NRCAM: variants seen among roughly 807,000 people sequenced by gnomAD.
The protein encoded by NRCAM is neuronal cell adhesion molecule.
NRCAM carries 83 observed loss-of-function variants against 156.5 expected under a neutral mutation model. The observed-to-expected ratio is 0.53, with a 90% CI of 0.44 to 0.64. NRCAM has a LOEUF of 0.64. Among genes scored for constraint, NRCAM ranks in the 30% least tolerant of loss-of-function variants. The pLI is 0.00. For synonymous variants in NRCAM, 538 were observed against 563.9 expected (o/e 0.95, Z 0.65); for missense variants, 1,417 against 1,597.3 (o/e 0.89, Z 1.92).
At chr7:108,344,908 C>T (rs2099337021) in intron 2 of NRCAM, among the ~76,000 whole-genome samples, 1 of 152,078 alleles carries the variant, frequency 6.6e-6, no homozygotes, top group African/African-American at 2.4e-5. Flanking sequence ...ATCATTCTTG[C>T]TGCCTTTCAT....
At chr7:108,391,445 C>T (rs986530211) in intron 2 of NRCAM, among the ~76,000 whole-genome samples, 1 of 151,980 alleles carries the variant, frequency 6.6e-6, no homozygotes, top group African/African-American at 2.4e-5. Context: ...TCCTCCATCC[C>T]TTTATTTTGA....
chr7:108,435,303 CAGA>C (rs1304808430), intron 1 of NRCAM, among the ~76,000 whole-genome samples: 3 of 151,960 alleles, frequency 2.0e-5, no homozygotes, highest in African/African-American at 7.3e-5. Flanking sequence ...TTTGAGAAGG[CAGA>C]AGAAGAAATT....
intron 1 of NRCAM, among the ~76,000 whole-genome samples, chr7:108,434,941 T>C (rs1053216698): frequency 6.6e-6 from 1 of 151,894 alleles, no homozygotes; most frequent in Non-Finnish European, 1.5e-5. Context: ...AAACCACAGT[T>C]ACCACTACAT....
chr7:108,247,575 T>C (rs896189474), intron 3 of NRCAM, among the ~76,000 whole-genome samples: 1 of 130,530 alleles, frequency 7.7e-6, no homozygotes, highest in Non-Finnish European at 1.6e-5. Context: ...AATTTGTTTA[T>C]GCTAAATTAT....
At chr7:108,305,779 T>C (rs2098706311) in intron 3 of NRCAM, among the ~76,000 whole-genome samples, 1 of 152,226 alleles carries the variant, frequency 6.6e-6, no homozygotes, top group Non-Finnish European at 1.5e-5. Flanking sequence ...TATACATGTA[T>C]ACTCCCTCTT....
intron 3 of NRCAM, among the ~76,000 whole-genome samples, chr7:108,307,118 T>C (rs2098727272): frequency 6.6e-6 from 1 of 152,182 alleles, no homozygotes; most frequent in Non-Finnish European, 1.5e-5. Context: ...AAAAGTCTGC[T>C]AGATCTGTAT....
rs1230043992 is a variant in NRCAM, at chr7:108,194,018, A to C, written c.1778+6T>G. On this transcript the variant is annotated splice_donor_region_variant and intron_variant, in intron 17 of 32. Coordinates refer to ENST00000379028, the MANE Select transcript of NRCAM (RefSeq NM_001037132.4). ...AAGAGAAAGTAAAGAAATCGTCTTC[A>C]AATACCTTTCATCACTGGGCAGTTC... The C allele has an allele frequency of 1.9e-6, 3 of 1,612,432 alleles. No homozygotes were observed. The highest frequency in any genetic ancestry group is 2.5e-6 in the Non-Finnish European group (3 of 1,179,184).
chr7:108,426,045 TAA>T (rs1669746633), intron 1 of NRCAM, among the ~76,000 whole-genome samples: 1 of 152,246 alleles, frequency 6.6e-6, no homozygotes. Flanking sequence ...TCATCATTTT[TAA>T]AAAGAGATTC....
chr7:108,198,070 C>G lies in NRCAM; in HGVS notation c.1237G>C (p.Asp413His), dbSNP rs1292534557. The G allele has an allele frequency of 6.2e-7, 1 of 1,606,876 alleles. No homozygotes were observed. Among genetic ancestry groups the G allele is most frequent in the African/African-American group, 1.3e-5 (1 of 74,700 alleles). Residue 413 changes from aspartate to histidine, a missense_variant, in exon 14 of 33, where the codon GAT becomes CAT. By Grantham distance (81) the Asp-to-His change is moderately conservative. This residue lies in a region of NRCAM where 1,238 missense variants were observed against 1,336.4 expected (regional missense o/e 0.93). Coordinates refer to ENST00000379028, the MANE Select transcript of NRCAM (RefSeq NM_001037132.4). Reference sequence around the variant, plus strand: ...TTTGAAAAAATAATGGTATCGCCATCTATTTTTCTGCTGGGGTCATCAGGG... The same window carrying G: ...TTTGAAAAAATAATGGTATCGCCATGTATTTTTCTGCTGGGGTCATCAGGG... Reference protein sequence around the residue: ...IAPDDPSRKIDGDTIIFSNVQ... With the variant: ...IAPDDPSRKIHGDTIIFSNVQ...
rs756063213 is a variant in NRCAM, at chr7:108,184,475, G to A, written c.2175C>T (p.Asn725=). 8 of 1,614,168 alleles carry A rather than the reference G, an allele frequency of 5.0e-6. No homozygotes were observed. In the South Asian group the frequency reaches 8.8e-5, roughly 18 times the overall value. The change falls in exon 21 of 33, where the codon AAC becomes AAT. Residue 725 remains asparagine (N), a synonymous_variant. Transcript: ENST00000379028. ...VNYSFRVMAV[N]SIGKSLPSEA... ...CGCTGGGCAAGCTCTTCCCAATGCT[G>A]TTCACTGCCATCACGCGGAAGGAGT...
intron 3 of NRCAM, among the ~76,000 whole-genome samples, chr7:108,279,899 TATTTGTA>T (rs767275118): frequency 2.8e-4 from 43 of 152,124 alleles, no homozygotes; most frequent in Non-Finnish European, 5.0e-4. Flanking sequence ...AGGAGAGTAT[TATTTGTA>T]ATTTAACAGC....
intron 7 of NRCAM, among the ~76,000 whole-genome samples, chr7:108,231,813 A>T (rs2094373717): frequency 6.6e-6 from 1 of 152,194 alleles, no homozygotes; most frequent in Non-Finnish European, 1.5e-5. Flanking sequence ...CAGAACTGAA[A>T]AATGTGACTG....
chr7:108,234,478 T>G (rs2094694171), intron 6 of NRCAM, 105 bp downstream of exon 6: 2 of 730,676 alleles, frequency 2.7e-6, no homozygotes, highest in Admixed American at 5.0e-5. Context: ...GGAAGTGCTC[T>G]ACATAGTCTG....
At chr7:108,271,522 ACT>A (rs1194474776) in intron 3 of NRCAM, among the ~76,000 whole-genome samples, 1 of 151,966 alleles carries the variant, frequency 6.6e-6, no homozygotes, top group African/African-American at 2.4e-5. Flanking sequence ...ACATGGTGAA[ACT>A]CTCTACTAAA....
At chr7:108,437,562 C>T (rs938114157) in intron 1 of NRCAM, among the ~76,000 whole-genome samples, 2 of 152,072 alleles carry the variant, frequency 1.3e-5, no homozygotes, top group African/African-American at 2.4e-5. Context: ...TACACACCTA[C>T]TATGTAGCCG....
At chr7:108,377,645 A>G (rs1243383747) in intron 2 of NRCAM, among the ~76,000 whole-genome samples, 1 of 152,168 alleles carries the variant, frequency 6.6e-6, no homozygotes, top group Non-Finnish European at 1.5e-5. Context: ...ACCCAGAGCA[A>G]GAGTGCCATC....
intron 1 of NRCAM, among the ~76,000 whole-genome samples, chr7:108,417,364 C>G (rs1802854587): frequency 6.6e-6 from 1 of 152,106 alleles, no homozygotes; most frequent in South Asian, 2.1e-4. Flanking sequence ...CATCCCATGG[C>G]AAAAGGCAGA....
intron 3 of NRCAM, among the ~76,000 whole-genome samples, chr7:108,300,920 G>A (rs1004142499): frequency 1.3e-5 from 2 of 151,192 alleles, no homozygotes; most frequent in African/African-American, 4.9e-5. Flanking sequence ...TTTATTTTAC[G>A]TTTTATTCAG....
At chr7:108,236,684 C>G (rs535799591) in intron 5 of NRCAM, among the ~76,000 whole-genome samples, 63 of 152,080 alleles carry the variant, frequency 4.1e-4, no homozygotes, top group Non-Finnish European at 7.1e-4. Flanking sequence ...TCAATAACAT[C>G]AGCTATTTTA....
Sources: gnomAD v4.1 joint callset for allele counts (sites outside exome capture counted in the v4.1 genomes callset) on GRCh38, gnomAD v4.1.1 for gene constraint, gnomAD v4.1.1 regional missense constraint, MANE v1.5 for transcripts, NCBI Gene and HGNC (gene_info 2026-07-23, HGNC 2026-07-21) for gene names.